The following TFAP2A variants were observed in gnomAD, a reference collection of about 807,000 sequenced individuals.
TFAP2A encodes transcription factor AP-2 alpha, also known as transcription factor AP-2-alpha.
Under a neutral mutation model 41.5 loss-of-function variants are expected in TFAP2A, and 7 were observed. The observed-to-expected ratio is 0.17, with a 90% confidence interval of 0.10 to 0.32. TFAP2A has a LOEUF of 0.32. TFAP2A is among the 10% of genes least tolerant of loss of function. TFAP2A has a pLI of 1.00. For missense variants in TFAP2A, 416 were observed against 563.3 expected, an observed-to-expected ratio of 0.74 and a Z score of 2.65; for synonymous variants, 247 against 242.8, an observed-to-expected ratio of 1.02 and a Z score of -0.16.
Position 10,415,024 on chromosome 6 carries a change from C to T in TFAP2A, c.-33G>A. 1 of 1,614,074 alleles carries T rather than the reference C, an allele frequency of 6.2e-7. No individual in the cohort carries two copies. Among genetic ancestry groups the T allele is most frequent in the Non-Finnish European group, 8.5e-7 (1 of 1,180,018 alleles). On this transcript the variant is annotated 5_prime_UTR_variant, in exon 1 of 7. Transcript: ENST00000379613. Reference sequence around the variant, plus strand: ...CGTGAACGGATATGCCCCTCTCGGTCTCGCACCCAAGTGGAGCTACTCTCT... The same window carrying T: ...CGTGAACGGATATGCCCCTCTCGGTTTCGCACCCAAGTGGAGCTACTCTCT...
At position 10,398,839 on chromosome 6, in the gene TFAP2A, A is replaced by T. The variant is rs916901357; in HGVS notation, c.1032-134T>A. On this transcript the variant is annotated intron_variant, in intron 6 of 6. Coordinates refer to ENST00000379613, the MANE Select transcript of TFAP2A (RefSeq NM_001372066.1). The surrounding 1 kb of genome is among the most constrained non-coding windows in gnomAD (Gnocchi z 5.3). Reference sequence around the variant, plus strand: ...GGTACCTGACATGACCCAAGACCCCAGAGACAGACAGTGTGGCCACATGTT... The same window carrying T: ...GGTACCTGACATGACCCAAGACCCCTGAGACAGACAGTGTGGCCACATGTT... 1.5e-5 allele frequency: 15 copies of T among 1,003,206 alleles called. No homozygotes were observed. Among genetic ancestry groups the T allele is most frequent in the Non-Finnish European group, 2.2e-5 (15 of 691,818 alleles). 62.1% of individuals were successfully genotyped at this position (1,003,206 alleles called of 1,614,324 possible).
At chr6:10,404,290 G>C (rs1020286547) in intron 4 of TFAP2A, among the ~76,000 whole-genome samples, 3 of 152,232 alleles carry the variant, frequency 2.0e-5, no homozygotes, top group Admixed American at 2.0e-4. Context: ...TCGCTCGCGG[G>C]AAAGCAGCGG....
At position 10,400,435 on chromosome 6, in the gene TFAP2A, G is replaced by A. The variant is rs771789986; in HGVS notation, c.1031+13C>T. Reference sequence around the variant, plus strand: ...AACGAGACACAGAGACCCCATAGAGGTAAATGCCTTACTTTGTAGCCAGGA... The same window carrying A: ...AACGAGACACAGAGACCCCATAGAGATAAATGCCTTACTTTGTAGCCAGGA... On this transcript the variant is annotated intron_variant, in intron 6 of 6. Transcript: ENST00000379613. The A allele has an allele frequency of 6.2e-6, 10 of 1,614,224 alleles. No homozygotes were observed. In the South Asian group the frequency reaches 8.8e-5, roughly 14 times the overall value.
intron 1 of TFAP2A, among the ~76,000 whole-genome samples, chr6:10,413,056 C>T (rs973752347): frequency 2.6e-5 from 4 of 152,186 alleles, no homozygotes; most frequent in African/African-American, 9.6e-5. Flanking sequence ...CTGACGCCCC[C>T]CCAGATGACA....
At position 10,410,331 on chromosome 6, in the gene TFAP2A, C is replaced by T; in HGVS notation, c.56G>A (p.Arg19His). The T allele has an allele frequency of 6.2e-7, 1 of 1,610,626 alleles. No individual in the cohort carries two copies. The highest frequency in any genetic ancestry group is 8.5e-7 in the Non-Finnish European group (1 of 1,178,874). The change falls in exon 2 of 7, where the codon CGT becomes CAT. Residue 19 changes from arginine to histidine, a missense_variant. Arg to His is a conservative substitution (Grantham distance 29). This residue lies in a region of TFAP2A where 241 missense variants were observed against 274.1 expected (regional missense o/e 0.88). Transcript: ENST00000379613. ...CGTCCCGTTGCTGGTGCCGTCGTGA[C>T]GGTCCTAGAAGAGAGCGAGAGGAAA... Reference protein sequence around the residue: ...DNIKYEDCEDRHDGTSNGTAR... With the variant: ...DNIKYEDCEDHHDGTSNGTAR...
At chr6:10,411,426 A>C in intron 1 of TFAP2A, 2 of 1,360,194 alleles carry the variant, frequency 1.5e-6, no homozygotes, top group Middle Eastern at 4.5e-4. Context: ...AGAAAGGCGG[A>C]AGGTGGGGTG....
In TFAP2A at chr6:10,406,819, A is replaced by C; in HGVS notation, c.512T>G (p.Ile171Ser). ...TTTCTTAATTACAGTTTGATCTGGG[A>C]TGTTAATACCCGGGTCTTCTACATG... ...VPHVEDPGIN[I>S]PDQTVIKKGP... The change falls in exon 3 of 7, where the codon ATC (isoleucine) becomes AGC (serine). Residue 171 changes from isoleucine (I) to serine (S), a missense_variant. Ile to Ser is a moderately radical substitution (Grantham distance 142). Coordinates refer to ENST00000379613, the MANE Select transcript of TFAP2A (RefSeq NM_001372066.1). The C allele has an allele frequency of 1.2e-6, 2 of 1,613,778 alleles. No homozygotes were observed. Among genetic ancestry groups the C allele is most frequent in the East Asian group, 2.2e-5 (1 of 44,872 alleles).
Position 10,406,735 on chromosome 6 carries a change from T to C in TFAP2A, c.538+58A>G. ...AAAATAAACACATCTCTGCAAGTTC[T>C]TTTAAATAGCACTCTGCCTGTAAGG... On this transcript the variant is annotated intron_variant, in intron 3 of 6. Transcript: ENST00000379613. The C allele has an allele frequency of 6.9e-6, 10 of 1,459,312 alleles. No homozygotes were observed. In the South Asian group the frequency reaches 1.0e-4, roughly 15 times the overall value. 90.4% of individuals were successfully genotyped at this position (1,459,312 alleles called of 1,614,324 possible).
rs34426547 is a variant in TFAP2A at position 10,398,043 on chromosome 6, TTTG to T, written c.*371_*373del. On this transcript the variant is annotated 3_prime_UTR_variant, in exon 7 of 7. Transcript: ENST00000379613. This position sits in a 1 kb window ranked among gnomAD's most constrained non-coding sequence, Gnocchi z 5.3. ...TTTTTTTAGAAAAAAGTTTTTAATT[TTTG>T]TTGTTGTTGTTGCTGTTGTTGATTT... is the stretch of plus-strand genomic sequence containing the variant. 0.014 allele frequency: 14,971 copies of T among 1,088,766 alleles called. 252 individuals are homozygous for T. The highest frequency in any genetic ancestry group is 0.082 in the African/African-American group (4,877 of 59,202). The allele number at this position is 1,088,766 out of a possible 1,614,324, so 67.4% of individuals were successfully genotyped here.
At chr6:10,417,112 A>T (rs954354485), upstream of TFAP2A, 1 of 152,412 alleles carries the variant, frequency 6.6e-6, no homozygotes, top group South Asian at 2.1e-4. Flanking sequence ...TAGCCTGAGC[A>T]GGCCAAACCC....
upstream of TFAP2A, among the ~76,000 whole-genome samples, chr6:10,417,934 A>C (rs1758304625): frequency 6.6e-6 from 1 of 152,204 alleles, no homozygotes; most frequent in Admixed American, 6.5e-5. Flanking sequence ...CTCAACAGGC[A>C]CCTTCTCACG....
chr6:10,419,366 C>T, upstream of TFAP2A: 1 of 1,592,266 alleles, frequency 6.3e-7, no homozygotes, highest in Non-Finnish European at 8.6e-7. Context: ...CGGCCCCCTC[C>T]CCTACTCCAC....
At chr6:10,405,555 G>T (rs80018628) in intron 3 of TFAP2A, 1 of 150,498 alleles carries the variant, frequency 6.6e-6, no homozygotes, top group Non-Finnish European at 1.5e-5. Flanking sequence ...AAAACCATAA[G>T]CTCTTTATTG....
At chr6:10,412,242 G>C in intron 1 of TFAP2A, 1 of 988,184 alleles carries the variant, frequency 1.0e-6, no homozygotes. Flanking sequence ...GGGCCGCGGC[G>C]CGGCGTCTGG....
At chr6:10,400,009 A>G (rs1350587038) in intron 6 of TFAP2A, among the ~76,000 whole-genome samples, 1 of 152,106 alleles carries the variant, frequency 6.6e-6, no homozygotes, top group African/African-American at 2.4e-5. Flanking sequence ...GGTTGAAACT[A>G]GGACAGCTTC....
intron 1 of TFAP2A, chr6:10,412,592 T>A (rs1418232270): frequency 3.3e-5 from 7 of 211,168 alleles, no homozygotes; most frequent in Non-Finnish European, 7.0e-5. Flanking sequence ...CCTAAAAGGC[T>A]GGGGCAGACC....
Position 10,398,357 on chromosome 6 carries a change from C to A in TFAP2A, c.*60G>T. The stretch of plus-strand genomic sequence containing the variant: ...TGCTGATCCCGGAGCTGTCACCCGC[C>A]GGAGGGTGGGCGCGCGGGGGGCTGG... On this transcript the variant is annotated 3_prime_UTR_variant, in exon 7 of 7. Coordinates refer to ENST00000379613, the MANE Select transcript of TFAP2A (RefSeq NM_001372066.1). This position sits in a 1 kb window ranked among gnomAD's most constrained non-coding sequence, Gnocchi z 5.3. 1 of 1,275,610 alleles carries A rather than the reference C, an allele frequency of 7.8e-7. No homozygotes were observed. The allele number at this position is 1,275,610 out of a possible 1,614,324, so 79.0% of individuals were successfully genotyped here. A position where few individuals can be genotyped will look rare whatever the true frequency, so the allele number is the denominator to read the frequency against.
chr6:10,418,668 C>CTTG (rs1758326560), upstream of TFAP2A: 1 of 152,420 alleles, frequency 6.6e-6, no homozygotes, highest in South Asian at 2.1e-4. Flanking sequence ...CCTTGGATGC[C>CTTG]TTGTGGTGTC....
intron 1 of TFAP2A, among the ~76,000 whole-genome samples, chr6:10,411,176 G>A (rs1289179649): frequency 6.6e-6 from 1 of 152,026 alleles, no homozygotes; most frequent in Non-Finnish European, 1.5e-5. Flanking sequence ...AACCCTCGGC[G>A]GTTCGGCCGC....
Sources: gnomAD v4.1 joint callset for allele counts (sites outside exome capture counted in the v4.1 genomes callset) on GRCh38, gnomAD v4.1.1 for gene constraint, gnomAD v4.1.1 regional missense constraint, Gnocchi (gnomAD v3.1) non-coding constraint, MANE v1.5 for transcripts, NCBI Gene and HGNC (gene_info 2026-07-23, HGNC 2026-07-21) for gene names.